PLCB2: variants seen among roughly 807,000 people sequenced by gnomAD.
The protein encoded by PLCB2 is 1-phosphatidylinositol 4,5-bisphosphate phosphodiesterase beta-2.
Under a neutral mutation model 141.7 loss-of-function variants are expected in PLCB2, and 115 were observed. That is an observed-to-expected ratio of 0.81 (90% CI 0.70 to 0.95). The LOEUF (loss-of-function observed/expected upper bound fraction) is 0.95, where lower values mean the gene tolerates loss of function less well. Among genes scored for constraint, PLCB2 ranks in the 40% least tolerant of loss-of-function variants. The pLI, the probability that PLCB2 is intolerant of heterozygous loss-of-function variation, is 0.00. For missense variants in PLCB2, 1,403 were observed against 1,541.1 expected, an observed-to-expected ratio of 0.91 and a Z score of 1.50; for synonymous variants, 603 against 595.6, an observed-to-expected ratio of 1.01 and a Z score of -0.18.
downstream of PLCB2, among the ~76,000 whole-genome samples, chr15:40,286,618 T>C (rs995656092): frequency 2.0e-5 from 3 of 152,142 alleles, no homozygotes; most frequent in African/African-American, 4.8e-5. Flanking sequence ...CCCAGTCCCA[T>C]AGATACACAG....
chr15:40,285,898 T>C, downstream of PLCB2: 1 of 985,478 alleles, frequency 1.0e-6, no homozygotes, highest in Non-Finnish European at 1.2e-6. Flanking sequence ...TTCATTTCTG[T>C]TCCTGTTCCT....
intron 21 of PLCB2, among the ~76,000 whole-genome samples, chr15:40,292,670 T>C (rs1012146459): frequency 6.6e-6 from 1 of 152,158 alleles, no homozygotes; most frequent in African/African-American, 2.4e-5. Context: ...TATAAGCCCT[T>C]AGCAAATTTT....
At chr15:40,293,771 C>A in intron 19 of PLCB2, 47 bp from the exon 20 acceptor site, 2 of 1,590,174 alleles carry the variant, frequency 1.3e-6, no homozygotes, top group African/African-American at 1.3e-5. Flanking sequence ...CCCACCCAGG[C>A]TCTTCCCCAA....
chr15:40,292,007 C>A, intron 23 of PLCB2, 57 bp downstream of exon 23: 1 of 1,605,886 alleles, frequency 6.2e-7, no homozygotes, highest in South Asian at 1.1e-5. Context: ...CCCAGCCTCT[C>A]CCATAAATAG....
rs1173552042 is a variant in PLCB2 at position 40,301,741 on chromosome 15, A to G, written c.582+216T>C. 1.6e-5 allele frequency: 11 copies of G among 702,660 alleles called. No individual in the cohort carries two copies. The Admixed American group carries it at 1.8e-4, about 12-fold the overall frequency. 43.5% of individuals were successfully genotyped at this position (702,660 alleles called of 1,614,324 possible). On this transcript the variant is annotated intron_variant, in intron 7 of 31. Coordinates refer to ENST00000260402, the MANE Select transcript of PLCB2 (RefSeq NM_004573.3). Reference sequence around the variant, plus strand: ...CCACCACCCAGGGTAGGGGATACAGACAAACCTGCTTGGAGCTCAGGGTCT... The same window carrying G: ...CCACCACCCAGGGTAGGGGATACAGGCAAACCTGCTTGGAGCTCAGGGTCT...
Position 40,296,580 on chromosome 15 carries a change from T to C in PLCB2, c.1541A>G (p.Glu514Gly). 1 of 1,613,396 alleles carries C rather than the reference T, an allele frequency of 6.2e-7. No individual in the cohort carries two copies. The highest frequency in any genetic ancestry group is 8.5e-7 in the Non-Finnish European group (1 of 1,179,558). ...ELEEEEVEEE[E>G]EEESGNLDEE... ...ATCCAGGTTTCCTGACTCCTCCTCCTCTTCCTCTTCCACCTCCTCCTCCTC... is the reference window on the plus strand; with the variant it reads ...ATCCAGGTTTCCTGACTCCTCCTCCCCTTCCTCTTCCACCTCCTCCTCCTC... Residue 514 changes from glutamate to glycine, a missense_variant, in exon 15 of 32, where the codon GAG (glutamate) becomes GGG (glycine). Glu to Gly is a moderately conservative substitution (Grantham distance 98, BLOSUM62 -2). Coordinates refer to ENST00000260402, the MANE Select transcript of PLCB2 (RefSeq NM_004573.3).
downstream of PLCB2, among the ~76,000 whole-genome samples, chr15:40,286,491 G>A (rs936476245): frequency 6.6e-5 from 10 of 151,984 alleles, no homozygotes; most frequent in Admixed American, 3.9e-4. Context: ...TGCAGGGGGC[G>A]GGGTGAGTCA....
At chr15:40,302,696 G>A in intron 3 of PLCB2, 87 bp from the exon 4 acceptor site, 1 of 1,478,352 alleles carries the variant, frequency 6.8e-7, no homozygotes, top group Non-Finnish European at 9.3e-7. Context: ...TCAGCCACTT[G>A]GGCTATGGCC....
In PLCB2 at chr15:40,307,659, T is replaced by C. The variant is rs755659289; in HGVS notation, c.14A>G (p.Asn5Ser). The change falls in exon 1 of 32, where the codon AAC becomes AGC. Residue 5 changes from asparagine (N) to serine (S), a missense_variant. Transcript: ENST00000260402. MSLL[N>S]PVLLPPKVKA... ...CACCTTGGGGGGCAGCAGGACAGGGTTGAGCAGAGACATGGTGCCAAGCGT... is the reference window on the plus strand; with the variant it reads ...CACCTTGGGGGGCAGCAGGACAGGGCTGAGCAGAGACATGGTGCCAAGCGT... The C allele has an allele frequency of 1.9e-6, 3 of 1,570,164 alleles. No homozygotes were observed. The highest frequency in any genetic ancestry group is 4.8e-5 in the East Asian group (2 of 41,588).
rs772957835 is a variant in PLCB2 at position 40,302,584 on chromosome 15, T to G, written c.257A>C (p.Asn86Thr). ...PKSQKLRDVF[N>T]MDFPDNSFLL... The stretch of plus-strand genomic sequence containing the variant: ...GAAACTGTTATCAGGAAAGTCCATG[T>G]TGAAGACGTCCCGGAGCTTCTGGCT... Residue 86 changes from asparagine (N) to threonine (T), a missense_variant, in exon 4 of 32, where the codon AAC becomes ACC. By Grantham distance (65) the Asn-to-Thr change is moderately conservative. This residue lies in a region of PLCB2 where 975 missense variants were observed against 1,141.1 expected (regional missense o/e 0.85). Transcript: ENST00000260402. The G allele has an allele frequency of 2.7e-5, 44 of 1,614,104 alleles. No homozygotes were observed. In the Admixed American group the frequency reaches 4.3e-4, roughly 16 times the overall value.
chr15:40,298,497 C>T (rs559312752), intron 10 of PLCB2, 65 bp downstream of exon 10: 5 of 1,609,498 alleles, frequency 3.1e-6, no homozygotes, highest in Non-Finnish European at 4.2e-6. Context: ...TGTGGGCAAC[C>T]CCTGTGGAGG....
chr15:40,296,767 C>T lies in PLCB2; in HGVS notation c.1465G>A (p.Ala489Thr), dbSNP rs1473006984. 6.2e-7 allele frequency: 1 copy of T among 1,613,686 alleles called. No individual in the cohort carries two copies. Among genetic ancestry groups the T allele is most frequent in the East Asian group, 2.2e-5 (1 of 44,874 alleles). Residue 489 changes from alanine to threonine, a missense_variant, in exon 14 of 32, where the codon GCC (alanine) becomes ACC (threonine). Physicochemically the swap from Ala to Thr is moderately conservative, Grantham distance 58. Transcript: ENST00000260402. ...TCACCTGTGCCCTCACCTGCAGGGG[C>T]ACTGGGTGGGCTGCTGCCCTCAGCC... ...GEAEGSSPPSAPAGEGTVWAG... is the reference protein window; with the variant it reads ...GEAEGSSPPSTPAGEGTVWAG...
chr15:40,302,047 A>G lies in PLCB2; in HGVS notation c.507-15T>C. ...TCTGGAAAAAGCTGAAGGGGCAGAG[A>G]AAGGTACCAGGTACAGAGAGGAGTC... On this transcript the variant is annotated splice_polypyrimidine_tract_variant and intron_variant, in intron 6 of 31. Transcript: ENST00000260402. The G allele has an allele frequency of 6.2e-7, 1 of 1,614,168 alleles. No homozygotes were observed. The highest frequency in any genetic ancestry group is 8.5e-7 in the Non-Finnish European group (1 of 1,179,998).
chr15:40,291,078 C>T lies in PLCB2; in HGVS notation c.2976G>A (p.Leu992=), dbSNP rs1289739746. ...ELKDRLELEL[L]RQGEEQYECV... The stretch of plus-strand genomic sequence containing the variant: ...ACTCGTACTGCTCCTCGCCCTGCCG[C>T]AGCAGCTCCAGCTCCAGCCTGTCTT... Residue 992 remains leucine, a synonymous_variant, in exon 27 of 32, where the codon CTG becomes CTA. Transcript: ENST00000260402. The T allele has an allele frequency of 4.4e-6, 7 of 1,589,778 alleles. No homozygotes were observed. The African/African-American group carries it at 5.4e-5, about 12-fold the overall frequency.
chr15:40,307,782 C>T lies in PLCB2; in HGVS notation c.-110G>A, dbSNP rs80123138. 7.0e-3 allele frequency: 5,854 copies of T among 836,202 alleles called. 204 individuals are homozygous for T. In the African/African-American group the frequency reaches 0.076, roughly 11 times the overall value. 51.8% of individuals were successfully genotyped at this position (836,202 alleles called of 1,614,324 possible). A position where few individuals can be genotyped will look rare whatever the true frequency, so the allele number is the denominator to read the frequency against. ...AAGCTGGGCTCAAATGGCACCCATC[C>T]CCGAGCTGCTCCAGAAATCTAGTTG... On this transcript the variant is annotated 5_prime_UTR_variant, in exon 1 of 32. Coordinates refer to ENST00000260402, the MANE Select transcript of PLCB2 (RefSeq NM_004573.3).
Position 40,302,130 on chromosome 15 carries a change from G to C in PLCB2, c.506+6C>G, listed in dbSNP as rs535562145. 1.2e-6 allele frequency: 2 copies of C among 1,611,374 alleles called. No homozygotes were observed. Among genetic ancestry groups the C allele is most frequent in the East Asian group, 4.5e-5 (2 of 44,844 alleles). On this transcript the variant is annotated splice_donor_region_variant and intron_variant, in intron 6 of 31. Transcript: ENST00000260402. ...TGGAAGCCTGGGGAGGGGTTGGGGG[G>C]CTCACTTCTTCACCGGAATCTTCCC...
In PLCB2 at chr15:40,296,790, G is replaced by C. The variant is rs763118449; in HGVS notation, c.1442C>G (p.Ala481Gly). 23 of 1,614,030 alleles carry C rather than the reference G, an allele frequency of 1.4e-5. No homozygotes were observed. The South Asian group carries it at 2.4e-4, about 17-fold the overall frequency. ...GGCACTGGGTGGGCTGCTGCCCTCA[G>C]CCTCCCCACCAGTATCCTTACTGGA... ...TSSSKDTGGE[A>G]EGSSPPSAPA... Residue 481 changes from alanine to glycine, a missense_variant, in exon 14 of 32, where the codon GCT (alanine) becomes GGT (glycine). Physicochemically the swap from Ala to Gly is moderately conservative, Grantham distance 60 (BLOSUM62 0). Around this residue, in one of 4 missense-constraint regions of PLCB2, gnomAD observed 975 missense variants for 1,141.1 expected, o/e 0.85. Coordinates refer to ENST00000260402, the MANE Select transcript of PLCB2 (RefSeq NM_004573.3).
In PLCB2 at chr15:40,291,562, G is replaced by A. The variant is rs191328063; in HGVS notation, c.2647+44C>T. 3.9e-4 allele frequency: 621 copies of A among 1,611,252 alleles called. 1 individual carries two copies. The African/African-American group carries it at 7.1e-3, about 18-fold the overall frequency. ...CCAACCCCCAAGGAGCCCCGGACCC[G>A]CCCCAGGCTCATCCCCGAGATCACC... On this transcript the variant is annotated intron_variant, in intron 25 of 31. Coordinates refer to ENST00000260402, the MANE Select transcript of PLCB2 (RefSeq NM_004573.3).
downstream of PLCB2, among the ~76,000 whole-genome samples, chr15:40,286,367 G>A (rs1251064664): frequency 6.6e-6 from 1 of 152,178 alleles, no homozygotes; most frequent in Admixed American, 6.5e-5. Flanking sequence ...CTCCCTCTCA[G>A]GCCCCTTCTT....
Sources: allele counts gnomAD v4.1 joint callset (sites outside exome capture counted in the v4.1 genomes callset), GRCh38; gene constraint gnomAD v4.1.1; regional missense constraint gnomAD v4.1.1; transcripts MANE v1.5; gene names NCBI Gene and HGNC (gene_info 2026-07-23, HGNC 2026-07-21).